USP20: variants seen among roughly 807,000 people sequenced by gnomAD.
USP20 encodes the protein ubiquitin carboxyl-terminal hydrolase 20.
Under a neutral mutation model 124.2 loss-of-function variants are expected in USP20, and 80 were observed. The ratio of observed to expected loss-of-function variants is 0.64; its 90% CI spans 0.54 to 0.78. The LOEUF is 0.78. Ranked by LOEUF, USP20 falls within the 30% of genes least tolerant of loss-of-function variation. USP20 has a pLI of 0.00. For synonymous variants in USP20, 481 were observed against 512.3 expected, an observed-to-expected ratio of 0.94 and a Z score of 0.83; for missense variants, 1,043 against 1,244.4, an observed-to-expected ratio of 0.84 and a Z score of 2.44.
At chr9:129,874,289 G>C (rs2034276113) in intron 17 of USP20, among the ~76,000 whole-genome samples, 1 of 152,234 alleles carries the variant, frequency 6.6e-6, no homozygotes, top group Non-Finnish European at 1.5e-5. Flanking sequence ...CCCAGGTTGG[G>C]GCTGTGGTGG....
rs2032040877 is a variant in USP20, at chr9:129,839,040, G to A, written c.-129+3541G>A. Among the ~76,000 whole-genome samples the A allele has an allele frequency of 1.3e-5, 2 of 152,310 alleles. No individual in the cohort carries two copies. The highest frequency in any genetic ancestry group is 4.1e-4 in the South Asian group (2 of 4,824). ...AGCTTCCTTGGAGTACGCGTGTTTG[G>A]ATTTGGGGAGGTGAAGGTCGTCCCC... On this transcript the variant is annotated intron_variant, in intron 1 of 25. Coordinates refer to ENST00000372429, the MANE Select transcript of USP20 (RefSeq NM_001110303.4). The surrounding 1 kb of genome is among the most constrained non-coding windows in gnomAD (Gnocchi z 4.5).
chr9:129,875,393 A>G lies in USP20; in HGVS notation c.2132A>G (p.Tyr711Cys), dbSNP rs1274937437. Reference protein sequence around the residue: ...AMREPSLLRFYVSREWLNKFN... With the variant: ...AMREPSLLRFCVSREWLNKFN... ...CGGGAGCCCAGCCTGCTGCGGTTCT[A>G]CGTGTCCCGCGAGTGGCTCAACAAG... The change falls in exon 20 of 26, where the codon TAC becomes TGC. Residue 711 changes from tyrosine (Y) to cysteine (C), a missense_variant. By Grantham distance (194) the Tyr-to-Cys change is radical. Transcript: ENST00000372429. 6.2e-6 allele frequency: 10 copies of G among 1,613,412 alleles called. 1 individual carries two copies. The East Asian group carries it at 1.8e-4, about 29-fold the overall frequency.
rs1354016133 is a variant in USP20, at chr9:129,880,253, G to C, written c.2725G>C (p.Ala909Pro). ...CCTGCACGGGGAGCAGAAGATCGAA[G>C]CCGAGACGCGGGCCGTGTGATCTGC... ...ENLHGEQKIE[A>P]ETRAV is the part of the protein sequence containing the mutation. Residue 909 changes from alanine to proline, a missense_variant, in exon 25 of 26, where the codon GCC (alanine) becomes CCC (proline). Coordinates refer to ENST00000372429, the MANE Select transcript of USP20 (RefSeq NM_001110303.4). The C allele has an allele frequency of 1.2e-6, 2 of 1,606,178 alleles. No homozygotes were observed. Among genetic ancestry groups the C allele is most frequent in the Non-Finnish European group, 1.7e-6 (2 of 1,177,372 alleles).
chr9:129,864,469 C>CAAAAAAAA, intron 9 of USP20, among the ~76,000 whole-genome samples: 1 of 116,830 alleles, frequency 8.6e-6, no homozygotes, highest in Non-Finnish European at 1.7e-5. Flanking sequence ...GACCCTGTCT[C>CAAAAAAAA]AAAAAAAAAA....
At chr9:129,863,913 C>G (rs2131074202) in intron 9 of USP20, among the ~76,000 whole-genome samples, 1 of 151,994 alleles carries the variant, frequency 6.6e-6, no homozygotes, top group South Asian at 2.1e-4. Context: ...CGAGACCGTT[C>G]TGGCCAACAT....
In USP20 at chr9:129,861,604, G is replaced by A; in HGVS notation, c.489G>A (p.Leu163=). ...ACATGAACGCTGCCCTGCAGGCCCT[G>A]TCCAATTGGTAGGTCGACACTTTGT... is the stretch of plus-strand genomic sequence containing the variant. ...SCYMNAALQA[L]SNCPPLTQFF... is the part of the protein sequence containing the mutation. The change falls in exon 8 of 26, where the codon CTG becomes CTA. Residue 163 remains leucine, a synonymous_variant. Coordinates refer to ENST00000372429, the MANE Select transcript of USP20 (RefSeq NM_001110303.4). The A allele has an allele frequency of 1.9e-6, 3 of 1,614,120 alleles. No homozygotes were observed. The highest frequency in any genetic ancestry group is 2.5e-6 in the Non-Finnish European group (3 of 1,180,008).
intron 8 of USP20, among the ~76,000 whole-genome samples, chr9:129,862,321 A>G (rs1293316888): frequency 2.0e-5 from 3 of 152,148 alleles, no homozygotes; most frequent in Non-Finnish European, 2.9e-5. Flanking sequence ...TGGTAGGCCG[A>G]GGCAGATGGA....
chr9:129,864,113 A>AC (rs1469258772), intron 9 of USP20, among the ~76,000 whole-genome samples: 2 of 151,258 alleles, frequency 1.3e-5, no homozygotes, highest in South Asian at 2.1e-4. Context: ...TCAAAAAAAA[A>AC]AAAACAAAAA....
At position 129,879,435 on chromosome 9, in the gene USP20, G is replaced by C; in HGVS notation, c.2513-138G>C. On this transcript the variant is annotated intron_variant, in intron 23 of 25. Transcript: ENST00000372429. The surrounding 1 kb of genome is among the most constrained non-coding windows in gnomAD (Gnocchi z 4.2). ...TCAGACTGCCACAGAGGAGCATTGG[G>C]TGGCTCAGGCGCCTCATCCATTAGA... The C allele has an allele frequency of 1.3e-6, 1 of 760,734 alleles. No individual in the cohort carries two copies. Among genetic ancestry groups the C allele is most frequent in the Admixed American group, 2.3e-5 (1 of 44,276 alleles). 47.1% of individuals were successfully genotyped at this position (760,734 alleles called of 1,614,324 possible). A position where few individuals can be genotyped will look rare whatever the true frequency, so the allele number is the denominator to read the frequency against.
rs2034603639 is a variant in USP20 at position 129,880,692 on chromosome 9, C to A, written c.*242C>A. On this transcript the variant is annotated 3_prime_UTR_variant, in exon 26 of 26. Coordinates refer to ENST00000372429, the MANE Select transcript of USP20 (RefSeq NM_001110303.4). ...CTGCCAGTCACTGTCATCGTTGTGT[C>A]CCCCACAACTGTCCTCTTGCTAGCT... 1 of 182,144 alleles carries A rather than the reference C, an allele frequency of 5.5e-6. No individual in the cohort carries two copies. The highest frequency in any genetic ancestry group is 2.3e-5 in the African/African-American group (1 of 42,958). 11.3% of individuals were successfully genotyped at this position (182,144 alleles called of 1,614,324 possible). A position where few individuals can be genotyped will look rare whatever the true frequency, so the allele number is the denominator to read the frequency against.
rs201524680 is a variant in USP20, at chr9:129,868,957, C to T, written c.1231C>T (p.Arg411Cys). 122 of 1,612,620 alleles carry T rather than the reference C, an allele frequency of 7.6e-5. No homozygotes were observed. The highest frequency in any genetic ancestry group is 9.3e-5 in the Non-Finnish European group (110 of 1,179,350). The change falls in exon 12 of 26, where the codon CGT becomes TGT. Residue 411 changes from arginine to cysteine, a missense_variant. Arg to Cys is a radical substitution (Grantham distance 180). Transcript: ENST00000372429. The stretch of plus-strand genomic sequence containing the variant: ...TGCCAAGCTGTCTAGCAGCCCCCCT[C>T]GTGCAAGCCCCGTGAGGATGGCACC... The part of the protein sequence containing the change: ...GHAKLSSSPP[R>C]ASPVRMAPSY...
Position 129,874,843 on chromosome 9 carries a change from G to T in USP20, c.1936G>T (p.Ala646Ser). The change falls in exon 19 of 26, where the codon GCC becomes TCC. Residue 646 changes from alanine to serine, a missense_variant. Ala to Ser is a moderately conservative substitution (Grantham distance 99, BLOSUM62 1). Transcript: ENST00000372429. ...HGTAGSGHYI[A>S]YCQNVINGQW... The stretch of plus-strand genomic sequence containing the variant: ...TGCCGCCGCAGGTGGGCACTACATC[G>T]CCTACTGCCAGAACGTGATCAATGG... 6.2e-7 allele frequency: 1 copy of T among 1,614,082 alleles called. No individual in the cohort carries two copies. Among genetic ancestry groups the T allele is most frequent in the Non-Finnish European group, 8.5e-7 (1 of 1,180,034 alleles).
At chr9:129,864,778 A>C (rs937036425) in intron 9 of USP20, among the ~76,000 whole-genome samples, 1 of 151,580 alleles carries the variant, frequency 6.6e-6, no homozygotes, top group African/African-American at 2.4e-5. Context: ...TGTCCCAAAA[A>C]AAAAAAAAAA....
At position 129,861,032 on chromosome 9, in the gene USP20, A is replaced by G; in HGVS notation, c.426A>G (p.Arg142=). The G allele has an allele frequency of 6.2e-7, 1 of 1,613,632 alleles. No homozygotes were observed. The highest frequency in any genetic ancestry group is 8.5e-7 in the Non-Finnish European group (1 of 1,179,676). The change falls in exon 7 of 26, where the codon CGA becomes CGG. Residue 142 remains arginine, a splice_region_variant and synonymous_variant. Coordinates refer to ENST00000372429, the MANE Select transcript of USP20 (RefSeq NM_001110303.4). ...CAGAGGACGATGACCTGAAACCTCG[A>G]GGTAATGGCCCCCACAGCAGGGGAA... ...SESEDDDLKP[R]GLTGMKNLGN...
At chr9:129,840,835 A>G (rs2032164127) in intron 1 of USP20, among the ~76,000 whole-genome samples, 1 of 138,922 alleles carries the variant, frequency 7.2e-6, no homozygotes, top group Non-Finnish European at 1.5e-5. Flanking sequence ...CAGTGGCGCC[A>G]TCTCAGCTCA....
At position 129,874,674 on chromosome 9, in the gene USP20, C is replaced by T; in HGVS notation, c.1839C>T (p.Arg613=). 2 of 1,613,960 alleles carry T rather than the reference C, an allele frequency of 1.2e-6. No homozygotes were observed. Among genetic ancestry groups the T allele is most frequent in the Non-Finnish European group, 1.7e-6 (2 of 1,180,026 alleles). ...TCCCCCTCGAGGGGCTCGACCTGCG[C>T]CCCTTCCTTGCCAAGGAGTGCACAT... ...VSFPLEGLDL[R]PFLAKECTSQ... The change falls in exon 18 of 26, where the codon CGC becomes CGT. Residue 613 remains arginine (R), a synonymous_variant. Transcript: ENST00000372429.
At chr9:129,870,235 TGAA>T (rs2034049634) in intron 14 of USP20, 1 of 587,824 alleles carries the variant, frequency 1.7e-6, no homozygotes, top group African/African-American at 1.9e-5. Context: ...GCAACACAGA[TGAA>T]GGAGGCCAGG....
intron 22 of USP20, 87 bp from the exon 23 acceptor site, chr9:129,878,251 G>A: frequency 9.5e-7 from 1 of 1,055,958 alleles, no homozygotes; most frequent in South Asian, 1.4e-5. Flanking sequence ...GTGAGGGACT[G>A]GGGCGGGGGC....
Position 129,874,852 on chromosome 9 carries a change from C to T in USP20, c.1945C>T (p.Gln649Ter). The change falls in exon 19 of 26, where the codon CAG becomes TAG. Residue 649 changes from glutamine (Q) to a stop codon, truncating the protein, a stop_gained. Transcript: ENST00000372429. LOFTEE classifies it high-confidence loss of function. Reference protein sequence around the residue: ...AGSGHYIAYCQNVINGQWYEF... With the variant: ...AGSGHYIAYC ...AGGTGGGCACTACATCGCCTACTGCCAGAACGTGATCAATGGGCAGTGGTA... is the reference window on the plus strand; with the variant it reads ...AGGTGGGCACTACATCGCCTACTGCTAGAACGTGATCAATGGGCAGTGGTA... 3 of 1,614,136 alleles carry T rather than the reference C, an allele frequency of 1.9e-6. No individual in the cohort carries two copies. The highest frequency in any genetic ancestry group is 1.7e-6 in the Non-Finnish European group (2 of 1,180,042).
Sources: gnomAD v4.1 joint callset for allele counts (sites outside exome capture counted in the v4.1 genomes callset) on GRCh38, gnomAD v4.1.1 for gene constraint, Gnocchi (gnomAD v3.1) non-coding constraint, MANE v1.5 for transcripts, NCBI Gene and HGNC (gene_info 2026-07-23, HGNC 2026-07-21) for gene names.